LHCGR: variants seen among roughly 807,000 people sequenced by gnomAD.
The protein encoded by LHCGR is lutropin-choriogonadotropic hormone receptor.
LHCGR carries 55 observed loss-of-function variants against 60.7 expected under a neutral mutation model. That is an observed-to-expected ratio of 0.91 (90% CI 0.73 to 1.13). The LOEUF (loss-of-function observed/expected upper bound fraction) is 1.13. Among genes scored for constraint, LHCGR ranks in the 50% most tolerant of loss-of-function variants. The pLI is 0.00. For missense variants in LHCGR, 862 were observed against 836.0 expected (o/e 1.03, Z -0.38); for synonymous variants, 337 against 316.5 (o/e 1.06, Z -0.69).
chr2:48,729,247 GA>G lies in LHCGR; in HGVS notation c.234-21del. 7.7e-6 allele frequency: 12 copies of G among 1,549,130 alleles called. 1 individual carries two copies. The highest frequency in any genetic ancestry group is 1.8e-6 in the Non-Finnish European group (2 of 1,125,718). On this transcript the variant is annotated intron_variant, in intron 2 of 10. Transcript: ENST00000294954. ...ATTTCACTAGGGAAGAGAGGAGGGG[GA>G]AAAAGAGAAAGAAACATGAAAGAAA... is the stretch of plus-strand genomic sequence containing the variant.
intron 3 of LHCGR, among the ~76,000 whole-genome samples, chr2:48,726,282 G>A (rs937593316): frequency 3.3e-5 from 5 of 152,182 alleles, no homozygotes; most frequent in African/African-American, 1.2e-4. Context: ...TTATACTCAT[G>A]CTGAAGATAA....
chr2:48,692,044 G>A (rs1242221787), intron 10 of LHCGR, among the ~76,000 whole-genome samples: 2 of 152,084 alleles, frequency 1.3e-5, no homozygotes, highest in East Asian at 1.9e-4. Context: ...GTTTTTCAAA[G>A]TGTGGTCCTT....
Position 48,726,569 on chromosome 2 carries a change from G to C in LHCGR, c.309-819C>G, listed in dbSNP as rs896469267. ...ACCATTGCTAAGTCCTGTCTACTTTGTATTAAATAAAAGGCCAGTAAATGC... is the reference window on the plus strand; with the variant it reads ...ACCATTGCTAAGTCCTGTCTACTTTCTATTAAATAAAAGGCCAGTAAATGC... On this transcript the variant is annotated intron_variant, in intron 3 of 10. Coordinates refer to ENST00000294954, the MANE Select transcript of LHCGR (RefSeq NM_000233.4). Among the ~76,000 whole-genome samples the C allele has an allele frequency of 2.6e-5, 4 of 152,254 alleles. No homozygotes were observed. In the East Asian group the frequency reaches 5.8e-4, roughly 22 times the overall value.
intron 8 of LHCGR, among the ~76,000 whole-genome samples, chr2:48,702,799 G>A (rs555425822): frequency 5.9e-5 from 9 of 152,246 alleles, no homozygotes; most frequent in South Asian, 4.2e-4. Context: ...TAATGGGATC[G>A]CTCGGTCAAA....
chr2:48,726,703 T>TG (rs1395020874), intron 3 of LHCGR, among the ~76,000 whole-genome samples: 3 of 152,250 alleles, frequency 2.0e-5, no homozygotes, highest in Non-Finnish European at 4.4e-5. Context: ...GGAGTCAACT[T>TG]GGTTTTTCAT....
At chr2:48,715,845 C>T (rs547592463) in intron 6 of LHCGR, among the ~76,000 whole-genome samples, 5 of 152,248 alleles carry the variant, frequency 3.3e-5, no homozygotes, top group South Asian at 2.1e-4. Context: ...TAAGTCTCCT[C>T]GTTAGAGTCA....
intron 8 of LHCGR, among the ~76,000 whole-genome samples, chr2:48,703,280 A>T (rs957275940): frequency 2.6e-5 from 4 of 152,146 alleles, no homozygotes; most frequent in Non-Finnish European, 4.4e-5. Flanking sequence ...TAGTTTAATT[A>T]GATCTCATTT....
chr2:48,732,582 C>T (rs147268189), intron 1 of LHCGR, among the ~76,000 whole-genome samples: 4 of 152,096 alleles, frequency 2.6e-5, no homozygotes, highest in Non-Finnish European at 5.9e-5. Context: ...GTAACCTGAA[C>T]AAGGTTACAA....
At chr2:48,755,379 A>C in intron 1 of LHCGR, 132 bp downstream of exon 1, 1 of 640,106 alleles carries the variant, frequency 1.6e-6, no homozygotes, top group Non-Finnish European at 2.7e-6. Flanking sequence ...ACGTGGGGGA[A>C]ATTTGATAGG....
At chr2:48,705,552 G>T (rs762008605) in intron 8 of LHCGR, among the ~76,000 whole-genome samples, 4 of 152,232 alleles carry the variant, frequency 2.6e-5, no homozygotes, top group African/African-American at 7.2e-5. Context: ...TCTAAGAACT[G>T]GCTTTATGAA....
chr2:48,696,972 G>GC (rs1352916620), intron 9 of LHCGR, among the ~76,000 whole-genome samples: 1 of 152,098 alleles, frequency 6.6e-6, no homozygotes, highest in Non-Finnish European at 1.5e-5. Flanking sequence ...CCTCTACCTT[G>GC]CTGCAAAGTG....
At chr2:48,738,735 T>C (rs574782752) in intron 1 of LHCGR, among the ~76,000 whole-genome samples, 1 of 152,360 alleles carries the variant, frequency 6.6e-6, no homozygotes, top group East Asian at 1.9e-4. Context: ...ATAAAATGCA[T>C]ACCAGGTTTT....
chr2:48,747,770 T>C (rs533731270), intron 1 of LHCGR, among the ~76,000 whole-genome samples: 1 of 152,192 alleles, frequency 6.6e-6, no homozygotes, highest in African/African-American at 2.4e-5. Flanking sequence ...ATTAAGTTAA[T>C]CTCTTATGAT....
rs370192934 is a variant in LHCGR, at chr2:48,714,710, C to T, written c.537-656G>A. On this transcript the variant is annotated intron_variant, in intron 6 of 10. Coordinates refer to ENST00000294954, the MANE Select transcript of LHCGR (RefSeq NM_000233.4). ...GTATTAATGTTTATGAAACTTTATC[C>T]CACCATTTTTTATGGTATATACCTA... is the stretch of plus-strand genomic sequence containing the variant. Among the ~76,000 whole-genome samples, 24 of 151,868 alleles carry T rather than the reference C, an allele frequency of 1.6e-4. 6 individuals are homozygous for T. The highest frequency in any genetic ancestry group is 1.5e-3 in the Admixed American group (23 of 15,242).
chr2:48,751,101 G>A (rs966678764), intron 1 of LHCGR, among the ~76,000 whole-genome samples: 1 of 152,198 alleles, frequency 6.6e-6, no homozygotes, highest in African/African-American at 2.4e-5. Flanking sequence ...GGATGGGGAA[G>A]ATGGAGGTGG....
rs765420645 is a variant in LHCGR, at chr2:48,729,238, GA to G, written c.234-12del. The stretch of plus-strand genomic sequence containing the variant: ...ATCTGAGAGATTTCACTAGGGAAGA[GA>G]GGAGGGGGAAAAAGAGAAAGAAACA... On this transcript the variant is annotated splice_polypyrimidine_tract_variant and intron_variant, in intron 2 of 10. Coordinates refer to ENST00000294954, the MANE Select transcript of LHCGR (RefSeq NM_000233.4). The G allele has an allele frequency of 1.3e-6, 2 of 1,585,744 alleles. No individual in the cohort carries two copies. Among genetic ancestry groups the G allele is most frequent in the South Asian group, 2.2e-5 (2 of 90,546 alleles).
rs368452135 is a variant in LHCGR, at chr2:48,731,669, ATAAT to A, written c.162-375_162-372del. ...ATTCCTACTTCACAGGGTCATTGTG[ATAAT>A]TAATCAGGATAATCCATGTAAAGAA... On this transcript the variant is annotated intron_variant, in intron 1 of 10. Transcript: ENST00000294954. 6.1e-3 allele frequency among the ~76,000 whole-genome samples: 932 copies of A among 152,298 alleles called. 11 individuals are homozygous for A. Among genetic ancestry groups the A allele is most frequent in the African/African-American group, 0.022 (897 of 41,570 alleles).
intron 8 of LHCGR, among the ~76,000 whole-genome samples, chr2:48,706,873 C>G (rs111423577): frequency 0.043 from 6,546 of 152,242 alleles, 447 homozygotes; most frequent in African/African-American, 0.15. Context: ...TATTACCCAC[C>G]TTCTGAAGCC....
intron 8 of LHCGR, among the ~76,000 whole-genome samples, chr2:48,705,307 C>T (rs889313885): frequency 2.0e-5 from 3 of 152,000 alleles, no homozygotes; most frequent in Non-Finnish European, 2.9e-5. Flanking sequence ...GTTTTATTTC[C>T]AATTATGTGG....
Sources: gnomAD v4.1 joint callset for allele counts (sites outside exome capture counted in the v4.1 genomes callset) on GRCh38, gnomAD v4.1.1 for gene constraint, MANE v1.5 for transcripts, NCBI Gene and HGNC (gene_info 2026-07-23, HGNC 2026-07-21) for gene names.